The following TBC1D31 variants were observed in gnomAD, a reference collection of about 807,000 sequenced individuals.
TBC1D31 encodes WD repeat domain 67.
Under a neutral mutation model 132.9 loss-of-function variants are expected in TBC1D31, and 99 were observed. The ratio of observed to expected loss-of-function variants is 0.74; its 90% confidence interval spans 0.63 to 0.88. The LOEUF is 0.88. Among genes scored for constraint, TBC1D31 ranks in the 40% least tolerant of loss-of-function variants. The pLI is 0.00. For missense variants in TBC1D31, 1,134 were observed against 1,256.6 expected (o/e 0.90, Z 1.48); for synonymous variants, 385 against 419.4 (o/e 0.92, Z 1.00).
the TBC1D31 span, among the ~76,000 whole-genome samples, chr8:123,163,741 G>A: frequency 2.2e-3 from 341 of 152,226 alleles, 4 homozygotes; most frequent in South Asian, 2.3e-3. Flanking sequence ...ACATGGATAA[G>A]TTCTTTAGTG....
chr8:123,095,419 CAG>C (rs1816751449), intron 5 of TBC1D31, among the ~76,000 whole-genome samples: 1 of 152,154 alleles, frequency 6.6e-6, no homozygotes, highest in Admixed American at 6.5e-5. Flanking sequence ...TTTTGATGTA[CAG>C]TTGTAAAGGA....
At position 123,072,833 on chromosome 8, in the gene TBC1D31, G is replaced by C; in HGVS notation, c.64G>C (p.Ala22Pro). The C allele has an allele frequency of 6.4e-7, 1 of 1,569,194 alleles. No individual in the cohort carries two copies. Among genetic ancestry groups the C allele is most frequent in the Non-Finnish European group, 8.6e-7 (1 of 1,157,410 alleles). Residue 22 changes from alanine (A) to proline (P), a missense_variant, in exon 1 of 22, where the codon GCC becomes CCC. Ala to Pro is a conservative substitution (Grantham distance 27). Transcript: ENST00000287380. ...GKIWHRKPSP[A>P]TRDGIIVNII... is the part of the protein sequence containing the mutation. ...GATATGGCACCGCAAGCCGTCCCCG[G>C]CCACGCGGGACGGGTAAAGGCCGTG...
the TBC1D31 span, among the ~76,000 whole-genome samples, chr8:123,160,333 G>A: frequency 6.6e-6 from 1 of 152,070 alleles, no homozygotes. Context: ...AAACATACTT[G>A]AACTATGTTA....
chr8:123,139,792 C>G (rs1821451658), intron 17 of TBC1D31, among the ~76,000 whole-genome samples: 1 of 152,146 alleles, frequency 6.6e-6, no homozygotes, highest in Non-Finnish European at 1.5e-5. Flanking sequence ...TTTACTTAGC[C>G]TATTGGTTGC....
intron 8 of TBC1D31, among the ~76,000 whole-genome samples, chr8:123,108,595 A>C (rs1818165197): frequency 6.6e-6 from 1 of 152,194 alleles, no homozygotes; most frequent in African/African-American, 2.4e-5. Context: ...ATTCAAGCTA[A>C]GAATGGTTTG....
At chr8:123,146,034 C>T (rs1586741484) in intron 20 of TBC1D31, among the ~76,000 whole-genome samples, 1 of 151,956 alleles carries the variant, frequency 6.6e-6, no homozygotes. Flanking sequence ...CCATGCCTGG[C>T]TAATTGTTTT....
At chr8:123,083,011 C>T (rs1815329347) in intron 3 of TBC1D31, 194 bp downstream of exon 3, 3 of 526,286 alleles carry the variant, frequency 5.7e-6, no homozygotes, top group Non-Finnish European at 1.0e-5. Context: ...GGTTTCCTGA[C>T]TACTGTCAGG....
Position 123,100,989 on chromosome 8 carries a change from A to T in TBC1D31, c.1014A>T (p.Leu338Phe), listed in dbSNP as rs1208926257. The T allele has an allele frequency of 7.4e-6, 12 of 1,611,944 alleles. No individual in the cohort carries two copies. The highest frequency in any genetic ancestry group is 1.0e-5 in the Non-Finnish European group (12 of 1,178,208). The change falls in exon 7 of 22, where the codon TTA becomes TTT. Residue 338 changes from leucine to phenylalanine, a missense_variant. Coordinates refer to ENST00000287380, the MANE Select transcript of TBC1D31 (RefSeq NM_145647.4). ...TAAACATATATTCAGTTCAGGCTTT[A>T]ACACAAGAAATAAATAAGGTATGTA... ...GSLNIYSVQA[L>F]TQEINKPPPP...
At chr8:123,079,943 T>G (rs763014436) in intron 2 of TBC1D31, among the ~76,000 whole-genome samples, 10 of 152,212 alleles carry the variant, frequency 6.6e-5, no homozygotes, top group African/African-American at 2.4e-4. Context: ...TCCTGAGATA[T>G]TGCACCATAA....
rs551143382 is a variant in TBC1D31, at chr8:123,116,818, A to G, written c.1437-3237A>G. 6.6e-5 allele frequency among the ~76,000 whole-genome samples: 10 copies of G among 152,356 alleles called. No individual in the cohort carries two copies. In the East Asian group the frequency reaches 9.6e-4, roughly 15 times the overall value. On this transcript the variant is annotated intron_variant, in intron 10 of 21. Coordinates refer to ENST00000287380, the MANE Select transcript of TBC1D31 (RefSeq NM_145647.4). Reference sequence around the variant, plus strand: ...TTGAGGAACAAAATAAATAACAATCAATTATAACTTGTAGAATAAAATAAA... The same window carrying G: ...TTGAGGAACAAAATAAATAACAATCGATTATAACTTGTAGAATAAAATAAA...
At chr8:123,077,377 AC>A in intron 2 of TBC1D31, 120 bp downstream of exon 2, 3 of 1,024,578 alleles carry the variant, frequency 2.9e-6, no homozygotes, top group Non-Finnish European at 2.7e-6. Context: ...TATTTCAGGT[AC>A]CTTGCAAAAT....
intron 18 of TBC1D31, among the ~76,000 whole-genome samples, chr8:123,141,302 T>C (rs1195402134): frequency 1.3e-5 from 2 of 152,220 alleles, no homozygotes; most frequent in Non-Finnish European, 2.9e-5. Flanking sequence ...AAGCATCAGG[T>C]CCCTGCATGG....
At chr8:123,073,671 T>C (rs1379058716) in intron 1 of TBC1D31, among the ~76,000 whole-genome samples, 3 of 152,008 alleles carry the variant, frequency 2.0e-5, no homozygotes, top group African/African-American at 7.3e-5. Context: ...TTTCAGTGTG[T>C]TTCTTGTTCT....
intron 10 of TBC1D31, among the ~76,000 whole-genome samples, 179 bp from the exon 11 acceptor site, chr8:123,119,876 T>A (rs1819305515): frequency 6.6e-6 from 1 of 152,180 alleles, no homozygotes; most frequent in East Asian, 1.9e-4. Flanking sequence ...TATACTACCA[T>A]TTGTGGTTTT....
intron 4 of TBC1D31, among the ~76,000 whole-genome samples, chr8:123,092,341 C>G (rs1474003314): frequency 6.6e-6 from 1 of 152,048 alleles, no homozygotes; most frequent in Non-Finnish European, 1.5e-5. Flanking sequence ...AGCAAACTGA[C>G]TAATTTGGGA....
chr8:123,122,395 G>A (rs1173919113), intron 11 of TBC1D31, among the ~76,000 whole-genome samples: 2 of 152,200 alleles, frequency 1.3e-5, no homozygotes, highest in Non-Finnish European at 2.9e-5. Flanking sequence ...TACTACACGG[G>A]TGAACCTTGA....
At chr8:123,086,309 T>C (rs1815738896) in intron 4 of TBC1D31, among the ~76,000 whole-genome samples, 1 of 152,204 alleles carries the variant, frequency 6.6e-6, no homozygotes, top group Non-Finnish European at 1.5e-5. Context: ...AGGCATTGTA[T>C]TAAGAACTTT....
At chr8:123,091,161 A>G (rs1409357061) in intron 4 of TBC1D31, among the ~76,000 whole-genome samples, 1 of 152,130 alleles carries the variant, frequency 6.6e-6, no homozygotes, top group Non-Finnish European at 1.5e-5. Context: ...AAGAGATGAC[A>G]CTATCTAAAT....
Position 123,138,028 on chromosome 8 carries a change from C to A in TBC1D31, c.2500-2733C>A, listed in dbSNP as rs561063657. On this transcript the variant is annotated intron_variant, in intron 17 of 21. Coordinates refer to ENST00000287380, the MANE Select transcript of TBC1D31 (RefSeq NM_145647.4). ...ATGGACAACTCCAGTATGCACACGT[C>A]GTCCAATATGTTTCTTCATACCACT... Among the ~76,000 whole-genome samples the A allele has an allele frequency of 2.0e-5, 3 of 152,264 alleles. No individual in the cohort carries two copies. In the South Asian group the frequency reaches 6.2e-4, roughly 32 times the overall value.
Sources: gnomAD v4.1 joint callset for allele counts (sites outside exome capture counted in the v4.1 genomes callset) on GRCh38, gnomAD v4.1.1 for gene constraint, MANE v1.5 for transcripts, NCBI Gene and HGNC (gene_info 2026-07-23, HGNC 2026-07-21) for gene names.